The following DHRSX variants were observed in gnomAD, a reference collection of about 807,000 sequenced individuals.
DHRSX encodes polyprenol dehydrogenase.
In DHRSX, 31 loss-of-function variants were observed where a neutral mutation model predicts 34.0. The ratio of observed to expected loss-of-function variants is 0.91; its 90% confidence interval spans 0.69 to 1.23. The LOEUF (loss-of-function observed/expected upper bound fraction) is 1.23. Among genes scored for constraint, DHRSX ranks in the 50% most tolerant of loss-of-function variants. The probability of loss-of-function intolerance (pLI) is 0.00; values close to 1 mark genes in which losing one functional copy is unlikely to be tolerated. For synonymous variants in DHRSX, 201 were observed against 183.8 expected, an observed-to-expected ratio of 1.09 and a Z score of -0.76; for missense variants, 414 against 428.1, an observed-to-expected ratio of 0.97 and a Z score of 0.29.
intron 6 of DHRSX, 36 bp from the exon 7 acceptor site, chrX:2,221,265 A>T (rs901785775): frequency 6.3e-7 from 1 of 1,598,616 alleles, no homozygotes; most frequent in East Asian, 2.2e-5. Context: ...CGATGAGTCA[A>T]ATTTCTGAGC....
intron 1 of DHRSX, among the ~76,000 whole-genome samples, chrX:2,496,259 C>T (rs1213376405): frequency 6.6e-6 from 1 of 152,070 alleles, no homozygotes; most frequent in Non-Finnish European, 1.5e-5. Flanking sequence ...AGTGCAGTGG[C>T]GCAATCTTGG....
At chrX:2,282,590 A>G (rs767046324) in intron 4 of DHRSX, among the ~76,000 whole-genome samples, 45 of 118,034 alleles carry the variant, frequency 3.8e-4, no homozygotes, top group African/African-American at 1.4e-3. Context: ...GAGAGAGAGA[A>G]GAAAGAGGGG....
chrX:2,303,722 AGATGGATGGATAGGTG>A (rs373417045), intron 3 of DHRSX, among the ~76,000 whole-genome samples: 39 of 147,676 alleles, frequency 2.6e-4, no homozygotes, highest in African/African-American at 8.9e-4. Flanking sequence ...AAGGATGGGT[AGATGGATGGATAGGTG>A]GATGGATGGA....
At chrX:2,225,668 T>C (rs1018626228) in intron 6 of DHRSX, among the ~76,000 whole-genome samples, 1 of 151,008 alleles carries the variant, frequency 6.6e-6, no homozygotes, top group African/African-American at 2.4e-5. Flanking sequence ...CAGCCAGAAC[T>C]GGACTAAGAC....
intron 2 of DHRSX, among the ~76,000 whole-genome samples, chrX:2,413,640 A>G (rs1033176801): frequency 2.0e-5 from 3 of 152,192 alleles, no homozygotes; most frequent in Non-Finnish European, 4.4e-5. Flanking sequence ...ATTCATGGAC[A>G]ATACAAAGTA....
In DHRSX at chrX:2,439,263, T is replaced by TA. The variant is rs778508315; in HGVS notation, c.110-13960dup. On this transcript the variant is annotated intron_variant, in intron 1 of 6. Transcript: ENST00000334651. ...CATTCATTTCAGGAAAAGACTGATC[T>TA]ACGAGAATTGGACTGCAGAGGAAAG... Among the ~76,000 whole-genome samples, 3 of 152,186 alleles carry TA rather than the reference T, an allele frequency of 2.0e-5. No homozygotes were observed. In the South Asian group the frequency reaches 6.2e-4, roughly 32 times the overall value.
intron 4 of DHRSX, among the ~76,000 whole-genome samples, chrX:2,274,739 G>A (rs951389946): frequency 5.3e-5 from 8 of 151,924 alleles, no homozygotes; most frequent in Non-Finnish European, 7.4e-5. Flanking sequence ...CCACGCACCC[G>A]TATTTTAAAC....
At chrX:2,447,386 G>A (rs781780091) in intron 1 of DHRSX, among the ~76,000 whole-genome samples, 8 of 152,178 alleles carry the variant, frequency 5.3e-5, no homozygotes, top group South Asian at 4.2e-4. Context: ...GACCAACGCC[G>A]TATACACACT....
intron 3 of DHRSX, among the ~76,000 whole-genome samples, chrX:2,399,075 C>T (rs149597932): frequency 0.025 from 3,772 of 151,916 alleles, 93 homozygotes; most frequent in South Asian, 0.07. Context: ...AGGATGGTCT[C>T]GATCTCCTGA....
At chrX:2,260,802 G>C (rs1397108075) in intron 5 of DHRSX, among the ~76,000 whole-genome samples, 1 of 152,050 alleles carries the variant, frequency 6.6e-6, no homozygotes, top group African/African-American at 2.4e-5. Context: ...ATTGGATCAA[G>C]GGTCTACCCT....
At chrX:2,441,486 A>G (rs1219508231) in intron 1 of DHRSX, among the ~76,000 whole-genome samples, 2 of 152,158 alleles carry the variant, frequency 1.3e-5, no homozygotes, top group African/African-American at 4.8e-5. Context: ...ATAGAGAGAA[A>G]GAGATTTTAA....
intron 3 of DHRSX, among the ~76,000 whole-genome samples, chrX:2,369,334 G>A (rs1008863409): frequency 6.6e-6 from 1 of 152,296 alleles, no homozygotes; most frequent in South Asian, 2.1e-4. Context: ...GTGGAGAGAA[G>A]AAAAGAAAAT....
intron 1 of DHRSX, among the ~76,000 whole-genome samples, chrX:2,455,561 A>G (rs6641736): frequency 0.6 from 91,403 of 151,486 alleles, 29,404 homozygotes; most frequent in African/African-American, 0.84. Flanking sequence ...GACCAACATG[A>G]TGAAACCCTG....
chrX:2,489,811 G>A, intron 1 of DHRSX: 1 of 1,613,588 alleles, frequency 6.2e-7, no homozygotes, highest in Non-Finnish European at 8.5e-7. Context: ...TCGGGAGCTG[G>A]AAGGCCTGCT....
At chrX:2,379,493 G>A (rs1451106172) in intron 3 of DHRSX, among the ~76,000 whole-genome samples, 2 of 151,736 alleles carry the variant, frequency 1.3e-5, no homozygotes, top group East Asian at 1.9e-4. Flanking sequence ...ACAGGTCAAC[G>A]GATGATCAAT....
intron 1 of DHRSX, among the ~76,000 whole-genome samples, chrX:2,438,093 C>T (rs1222860433): frequency 2.0e-5 from 3 of 150,110 alleles, no homozygotes; most frequent in Admixed American, 1.3e-4. Context: ...AGGAGAATCG[C>T]TTGAACCCGG....
chrX:2,222,072 C>T (rs1432581991), intron 6 of DHRSX, among the ~76,000 whole-genome samples: 2 of 152,148 alleles, frequency 1.3e-5, no homozygotes, highest in Admixed American at 6.6e-5. Context: ...AATGAGGCAC[C>T]GTCTGTGAAC....
intron 3 of DHRSX, among the ~76,000 whole-genome samples, chrX:2,407,213 C>G (rs1393486616): frequency 1.3e-5 from 2 of 152,174 alleles, no homozygotes; most frequent in East Asian, 3.9e-4. Context: ...TTTGCTGGGT[C>G]CGACTCGCAG....
intron 1 of DHRSX, among the ~76,000 whole-genome samples, chrX:2,464,866 C>T (rs1416139816): frequency 6.6e-6 from 1 of 152,104 alleles, no homozygotes; most frequent in Non-Finnish European, 1.5e-5. Flanking sequence ...GAAGAATTCC[C>T]TAAGCATGTG....
Sources: gnomAD v4.1 joint callset for allele counts (sites outside exome capture counted in the v4.1 genomes callset) on GRCh38, gnomAD v4.1.1 for gene constraint, MANE v1.5 for transcripts, NCBI Gene and HGNC (gene_info 2026-07-23, HGNC 2026-07-21) for gene names.